The following LDLRAD2 variants were observed in gnomAD, a reference collection of about 807,000 sequenced individuals.
LDLRAD2 encodes low density lipoprotein receptor class A domain containing 2.
Under a neutral mutation model 24.9 loss-of-function variants are expected in LDLRAD2, and 25 were observed. That is an observed-to-expected ratio of 1.00 (90% CI 0.73 to 1.40). LDLRAD2 has a LOEUF of 1.40. Ranked by LOEUF, LDLRAD2 falls within the 40% of genes most tolerant of loss-of-function variation. LDLRAD2 has a pLI of 0.00. For missense variants in LDLRAD2, 391 were observed against 366.2 expected, an observed-to-expected ratio of 1.07 and a Z score of -0.55; for synonymous variants, 182 against 166.7, an observed-to-expected ratio of 1.09 and a Z score of -0.71.
rs141642156 is a variant in LDLRAD2 at position 21,824,431 on chromosome 1, C to T, written c.*2216C>T. ...CCCCAGCCTGGAGAGCAGAGGCTGCCGAGGCCAGGGGGCTCTGCTTTCCCC... is the reference window on the plus strand; with the variant it reads ...CCCCAGCCTGGAGAGCAGAGGCTGCTGAGGCCAGGGGGCTCTGCTTTCCCC... On this transcript the variant is annotated 3_prime_UTR_variant, in exon 5 of 5. Transcript: ENST00000344642. This position sits in a 1 kb window ranked among gnomAD's most constrained non-coding sequence, Gnocchi z 5.9. The T allele has an allele frequency of 3.9e-4, 622 of 1,603,944 alleles. 8 individuals are homozygous for T. In the East Asian group the frequency reaches 0.011, roughly 29 times the overall value.
chr1:21,818,168 C>T (rs1359472105), intron 3 of LDLRAD2, among the ~76,000 whole-genome samples: 1 of 58,794 alleles, frequency 1.7e-5, no homozygotes, highest in Admixed American at 1.6e-4. Context: ...CACACCACCA[C>T]GCTCAGCTAA....
chr1:21,813,504 CAGA>C (rs971243444), intron 1 of LDLRAD2, among the ~76,000 whole-genome samples: 1 of 152,120 alleles, frequency 6.6e-6, no homozygotes, highest in African/African-American at 2.4e-5. Context: ...TATCTTGCAC[CAGA>C]AAACCCACCT....
intron 3 of LDLRAD2, among the ~76,000 whole-genome samples, chr1:21,820,415 C>T (rs1156975437): frequency 1.3e-5 from 2 of 148,538 alleles, no homozygotes; most frequent in Non-Finnish European, 3.0e-5. Context: ...CCCGGCTACT[C>T]GGGAGGCTGA....
rs1225397593 is a variant in LDLRAD2, at chr1:21,814,499, G to A, written c.187G>A (p.Asp63Asn). 1 of 1,612,602 alleles carries A rather than the reference G, an allele frequency of 6.2e-7. No homozygotes were observed. The highest frequency in any genetic ancestry group is 8.5e-7 in the Non-Finnish European group (1 of 1,179,740). ...GTTCTACTTCGTGGCTCCGGACACC[G>A]ACTGCGGGCTCTGGGTGCAGGCGGC... ...RRFYFVAPDTDCGLWVQAAAP... is the reference protein window; with the variant it reads ...RRFYFVAPDTNCGLWVQAAAP... Residue 63 changes from aspartate (D) to asparagine (N), a missense_variant, in exon 2 of 5, where the codon GAC (aspartate) becomes AAC (asparagine). Asp to Asn is a conservative substitution (Grantham distance 23). Coordinates refer to ENST00000344642, the MANE Select transcript of LDLRAD2 (RefSeq NM_001013693.3).
chr1:21,812,533 A>G lies in LDLRAD2; in HGVS notation c.82A>G (p.Thr28Ala), dbSNP rs1187224512. ...CGCCCTGACTGCAACTGCTTTGGAGACAGGTAAGTATCAGGGGGCTTGGTT... is the reference window on the plus strand; with the variant it reads ...CGCCCTGACTGCAACTGCTTTGGAGGCAGGTAAGTATCAGGGGGCTTGGTT... ...AAALTATALETADLAELCGQT... is the reference protein window; with the variant it reads ...AAALTATALEAADLAELCGQT... Residue 28 changes from threonine to alanine, a missense_variant, in exon 1 of 5, where the codon ACA becomes GCA. Transcript: ENST00000344642. 2 of 1,613,926 alleles carry G rather than the reference A, an allele frequency of 1.2e-6. No individual in the cohort carries two copies. Among genetic ancestry groups the G allele is most frequent in the Non-Finnish European group, 1.7e-6 (2 of 1,179,850 alleles).
intron 4 of LDLRAD2, chr1:21,821,878 C>T: frequency 7.0e-7 from 1 of 1,420,558 alleles, no homozygotes; most frequent in Non-Finnish European, 9.2e-7. Flanking sequence ...CAGCCTGTAC[C>T]ACGTGCTACC....
chr1:21,816,830 G>C (rs1346962092), intron 3 of LDLRAD2, among the ~76,000 whole-genome samples: 1 of 152,096 alleles, frequency 6.6e-6, no homozygotes, highest in Non-Finnish European at 1.5e-5. Context: ...ATGAGACCCA[G>C]GTCCTATGTC....
intron 1 of LDLRAD2, 50 bp downstream of exon 1, chr1:21,812,586 C>G (rs763554712): frequency 4.8e-6 from 7 of 1,462,156 alleles, no homozygotes; most frequent in Non-Finnish European, 6.7e-6. Context: ...TGGGCCCCCA[C>G]CATCCTTAGA....
At chr1:21,819,371 CA>C (rs34271772) in intron 3 of LDLRAD2, among the ~76,000 whole-genome samples, 3 of 149,734 alleles carry the variant, frequency 2.0e-5, no homozygotes, top group Admixed American at 6.6e-5. Context: ...GAAACTGTCT[CA>C]AAAAAAAAGT....
intron 3 of LDLRAD2, among the ~76,000 whole-genome samples, chr1:21,821,226 TGGGAA>T (rs2097951373): frequency 6.6e-6 from 1 of 152,104 alleles, no homozygotes; most frequent in African/African-American, 2.4e-5. Context: ...CCCTCTTCCT[TGGGAA>T]GTAGCTCCAC....
Position 21,821,864 on chromosome 1 carries a change from A to G in LDLRAD2, c.805+253A>G, listed in dbSNP as rs1016427615. ...TGCCCGTGGCCTCTGCCTCCACTGC[A>G]GCACAGCCTGTACCACGTGCTACCC... On this transcript the variant is annotated intron_variant, in intron 4 of 4. Coordinates refer to ENST00000344642, the MANE Select transcript of LDLRAD2 (RefSeq NM_001013693.3). 3 of 1,424,684 alleles carry G rather than the reference A, an allele frequency of 2.1e-6. No individual in the cohort carries two copies. The African/African-American group carries it at 4.3e-5, about 20-fold the overall frequency. The allele number at this position is 1,424,684 out of a possible 1,614,324, so 88.3% of individuals were successfully genotyped here. A position where few individuals can be genotyped will look rare whatever the true frequency, so the allele number is the denominator to read the frequency against.
chr1:21,824,768 GC>G lies in LDLRAD2; in HGVS notation c.*2556del. ...TCATCGTGGAAATAGGCTCCGTACT[GC>G]CCAGGGGCATCTGTGGGAGAGAGGA... is the stretch of plus-strand genomic sequence containing the variant. On this transcript the variant is annotated 3_prime_UTR_variant, in exon 5 of 5. Transcript: ENST00000344642. This position sits in a 1 kb window ranked among gnomAD's most constrained non-coding sequence, Gnocchi z 5.9. 1 of 1,612,674 alleles carries G rather than the reference GC, an allele frequency of 6.2e-7. No homozygotes were observed. The highest frequency in any genetic ancestry group is 8.5e-7 in the Non-Finnish European group (1 of 1,179,490).
rs867647926 is a variant in LDLRAD2 at position 21,823,828 on chromosome 1, C to T, written c.*1613C>T. On this transcript the variant is annotated 3_prime_UTR_variant, in exon 5 of 5. Coordinates refer to ENST00000344642, the MANE Select transcript of LDLRAD2 (RefSeq NM_001013693.3). ...CGAGACTCCAGACTCAGAAGTCTGT[C>T]CCTGTTTCCCAAGCTCTTTCTTTCC... is the stretch of plus-strand genomic sequence containing the variant. 2 of 871,682 alleles carry T rather than the reference C, an allele frequency of 2.3e-6. No homozygotes were observed. Among genetic ancestry groups the T allele is most frequent in the African/African-American group, 1.6e-5 (1 of 60,800 alleles). 54.0% of individuals were successfully genotyped at this position (871,682 alleles called of 1,614,324 possible). A position where few individuals can be genotyped will look rare whatever the true frequency, so the allele number is the denominator to read the frequency against.
In LDLRAD2 at chr1:21,822,660, G is replaced by C. The variant is rs2152680931; in HGVS notation, c.*445G>C. On this transcript the variant is annotated 3_prime_UTR_variant, in exon 5 of 5. Transcript: ENST00000344642. The stretch of plus-strand genomic sequence containing the variant: ...GGGCCTTCCCTTACAGCCCCTGAGG[G>C]AGGGACCCCAGGCTGTGTGCTGGCA... 5.5e-6 allele frequency: 1 copy of C among 183,468 alleles called. No homozygotes were observed. Among genetic ancestry groups the C allele is most frequent in the Admixed American group, 5.5e-5 (1 of 18,160 alleles). The allele number at this position is 183,468 out of a possible 1,614,324, so 11.4% of individuals were successfully genotyped here.
At chr1:21,815,202 C>T (rs1248760446) in intron 2 of LDLRAD2, among the ~76,000 whole-genome samples, 1 of 152,194 alleles carries the variant, frequency 6.6e-6, no homozygotes, top group Non-Finnish European at 1.5e-5. Context: ...ATGTCACATA[C>T]GCACAACCCA....
chr1:21,813,423 C>T (rs1460456714), intron 1 of LDLRAD2, among the ~76,000 whole-genome samples: 1 of 152,220 alleles, frequency 6.6e-6, no homozygotes, highest in Non-Finnish European at 1.5e-5. Flanking sequence ...CTCCCACATC[C>T]TGAGCTCTGA....
At chr1:21,815,784 C>T (rs957904409) in intron 2 of LDLRAD2, among the ~76,000 whole-genome samples, 159 bp from the exon 3 acceptor site, 1 of 152,134 alleles carries the variant, frequency 6.6e-6, no homozygotes, top group Non-Finnish European at 1.5e-5. Context: ...CATCCTCCAC[C>T]CTCCTCCCCA....
chr1:21,815,908 G>T, intron 2 of LDLRAD2, 35 bp from the exon 3 acceptor site: 1 of 1,611,662 alleles, frequency 6.2e-7, no homozygotes, highest in South Asian at 1.1e-5. Context: ...GGCTGGACCG[G>T]AATCCTCACC....
intron 3 of LDLRAD2, among the ~76,000 whole-genome samples, chr1:21,816,736 C>T (rs1002529988): frequency 1.3e-5 from 2 of 152,108 alleles, no homozygotes; most frequent in African/African-American, 4.8e-5. Context: ...TTTCCCAGAA[C>T]CCCACACACT....
Sources: gnomAD v4.1 joint callset for allele counts (sites outside exome capture counted in the v4.1 genomes callset) on GRCh38, gnomAD v4.1.1 for gene constraint, Gnocchi (gnomAD v3.1) non-coding constraint, MANE v1.5 for transcripts, NCBI Gene and HGNC (gene_info 2026-07-23, HGNC 2026-07-21) for gene names.